The following CYP2R1 variants were observed in gnomAD, a reference collection of about 807,000 sequenced individuals.
CYP2R1 encodes the protein cytochrome P450 family 2 subfamily R member 1, also known as vitamin D 25-hydroxylase.
In CYP2R1, 40 loss-of-function variants were observed where a neutral mutation model predicts 45.7. The observed-to-expected ratio is 0.87, with a 90% CI of 0.68 to 1.14. The LOEUF (loss-of-function observed/expected upper bound fraction) is 1.14, where lower values mean the gene tolerates loss of function less well. Ranked by LOEUF, CYP2R1 falls within the 50% of genes most tolerant of loss-of-function variation. CYP2R1 has a pLI of 0.00. For synonymous variants in CYP2R1, 234 were observed against 219.3 expected, an observed-to-expected ratio of 1.07 and a Z score of -0.59; for missense variants, 605 against 602.6, an observed-to-expected ratio of 1.00 and a Z score of -0.04.
chr11:14,878,204 T>C lies in CYP2R1; in HGVS notation c.1424A>G (p.His475Arg). 1 of 1,613,292 alleles carries C rather than the reference T, an allele frequency of 6.2e-7. No individual in the cohort carries two copies. Among genetic ancestry groups the C allele is most frequent in the South Asian group, 1.1e-5 (1 of 91,048 alleles). The change falls in exon 5 of 5, where the codon CAT (histidine) becomes CGT (arginine). Residue 475 changes from histidine (H) to arginine (R), a missense_variant. Transcript: ENST00000334636. Reference sequence around the variant, plus strand: ...GGGCTTCAGATCTGGAACTAGTTCATGTGGAAAATGCAAATGAAACCTCTG... The same window carrying C: ...GGGCTTCAGATCTGGAACTAGTTCACGTGGAAAATGCAAATGAAACCTCTG... ...LLQRFHLHFP[H>R]ELVPDLKPRL...
rs911449225 is a variant in CYP2R1 at position 14,890,870 on chromosome 11, A to G, written c.225+1111T>C. ...GGCACCTAGACCAATCCTTGTAAAA[A>G]TTGGTTTAAGTAAGGATTTAAGGTC... On this transcript the variant is annotated intron_variant, in intron 1 of 4. Transcript: ENST00000334636. The G allele has an allele frequency of 2.7e-5, 27 of 985,214 alleles. No homozygotes were observed. In the African/African-American group the frequency reaches 4.7e-4, roughly 17 times the overall value. The allele number at this position is 985,214 out of a possible 1,614,324, so 61.0% of individuals were successfully genotyped here.
At chr11:14,885,961 T>C in intron 1 of CYP2R1, 44 bp from the exon 2 acceptor site, 1 of 1,586,444 alleles carries the variant, frequency 6.3e-7, no homozygotes, top group Non-Finnish European at 8.6e-7. Context: ...ACAGCATGTA[T>C]GGAGAAATAT....
chr11:14,891,134 C>G (rs952886562), intron 1 of CYP2R1: 1 of 985,354 alleles, frequency 1.0e-6, no homozygotes, highest in Non-Finnish European at 1.2e-6. Context: ...CTGCCCCCTC[C>G]GGACGTCGGG....
rs368958279 is a variant in CYP2R1, at chr11:14,891,992, C to A, written c.214G>T (p.Val72Leu). 3.1e-6 allele frequency: 5 copies of A among 1,613,296 alleles called. No individual in the cohort carries two copies. Among genetic ancestry groups the A allele is most frequent in the Non-Finnish European group, 3.4e-6 (4 of 1,179,808 alleles). The change falls in exon 1 of 5, where the codon GTG becomes TTG. Residue 72 changes from valine (V) to leucine (L), a missense_variant. Coordinates refer to ENST00000334636, the MANE Select transcript of CYP2R1 (RefSeq NM_024514.5). ...PHVYMRKQSQ[V>L]YGEIFSLDLG... ...CGTCGGGGCTGTACCTCTCCGTACA[C>A]CTGGCTCTGCTTTCTCATGTAGACA...
rs1555011839 is a variant in CYP2R1, at chr11:14,880,599, A to G, written c.537T>C (p.Phe179=). 1.2e-6 allele frequency: 2 copies of G among 1,612,820 alleles called. No individual in the cohort carries two copies. The highest frequency in any genetic ancestry group is 2.7e-5 in the African/African-American group (2 of 74,896). ...IETYKGRPFD[F]KQLITNAVSN... is the part of the protein sequence containing the mutation. ...AAACAGCATTCGTTATTAACTGTTT[A>G]AAGTCAAAAGGTCTACCTTTGTATG... The change falls in exon 3 of 5, where the codon TTT becomes TTC. Residue 179 remains phenylalanine, a synonymous_variant. Transcript: ENST00000334636.
At chr11:14,892,442 A>G (rs1336855041), upstream of CYP2R1, among the ~76,000 whole-genome samples, 3 of 152,198 alleles carry the variant, frequency 2.0e-5, no homozygotes, top group African/African-American at 4.8e-5. Flanking sequence ...GCGCGGCTCT[A>G]GGCGGAGCAA....
In CYP2R1 at chr11:14,880,481, C is replaced by T; in HGVS notation, c.655G>A (p.Glu219Lys). Residue 219 changes from glutamate to lysine, a missense_variant, in exon 3 of 5, where the codon GAA becomes AAA. Glu to Lys is a moderately conservative substitution (Grantham distance 56). Coordinates refer to ENST00000334636, the MANE Select transcript of CYP2R1 (RefSeq NM_024514.5). The stretch of plus-strand genomic sequence containing the variant: ...AAGACTGAGGCACTGGCAGCTAGTT[C>T]CACATTTTCACTAAATAACTCAATC... ...HMIELFSENV[E>K]LAASASVFLY... The T allele has an allele frequency of 1.2e-6, 2 of 1,613,454 alleles. No individual in the cohort carries two copies. The highest frequency in any genetic ancestry group is 2.7e-5 in the African/African-American group (2 of 74,996).
At chr11:14,891,797 G>A (rs371690496) in intron 1 of CYP2R1, 184 bp downstream of exon 1, 1 of 1,411,866 alleles carries the variant, frequency 7.1e-7, no homozygotes, top group East Asian at 2.7e-5. Flanking sequence ...CCCTGCAAGG[G>A]GGCACGGCGT....
intron 1 of CYP2R1, chr11:14,891,600 G>A (rs1848858694): frequency 1.9e-6 from 2 of 1,061,716 alleles, no homozygotes; most frequent in Admixed American, 1.0e-4. Context: ...CCACAGAGCT[G>A]CGAGGCCGAC....
At chr11:14,891,952 TCCC>T (rs1167828076) in intron 1 of CYP2R1, 26 bp downstream of exon 1, 1 of 1,607,730 alleles carries the variant, frequency 6.2e-7, no homozygotes, top group Non-Finnish European at 8.5e-7. Flanking sequence ...CTGGCGGCCC[TCCC>T]TGCCCGGGGC....
chr11:14,885,481 G>T (rs781920052), intron 2 of CYP2R1, among the ~76,000 whole-genome samples: 2 of 152,146 alleles, frequency 1.3e-5, no homozygotes, highest in African/African-American at 2.4e-5. Flanking sequence ...TCAAGTGGAA[G>T]TATGTGTTTA....
intron 1 of CYP2R1, chr11:14,886,234 CTT>C (rs1459580037): frequency 1.1e-5 from 3 of 280,962 alleles, no homozygotes; most frequent in Non-Finnish European, 2.0e-5. Flanking sequence ...GAGCAGAACA[CTT>C]AACCTATCTG....
At chr11:14,890,332 G>C (rs1555016205) in intron 1 of CYP2R1, 1 of 297,516 alleles carries the variant, frequency 3.4e-6, no homozygotes, top group African/African-American at 2.3e-5. Context: ...TGTGTACCAA[G>C]ATACCAAAGA....
rs1443511853 is a variant in CYP2R1 at position 14,877,608 on chromosome 11, C to T, written c.*514G>A. The stretch of plus-strand genomic sequence containing the variant: ...GCACTGGCAGGCTCTACATTAAATA[C>T]ATATTTCTTCTACCATCTCCCACCA... On this transcript the variant is annotated 3_prime_UTR_variant, in exon 5 of 5. Transcript: ENST00000334636. 6.6e-6 allele frequency: 1 copy of T among 152,594 alleles called. No individual in the cohort carries two copies. The highest frequency in any genetic ancestry group is 1.5e-5 in the Non-Finnish European group (1 of 68,390). The allele number at this position is 152,594 out of a possible 1,614,324, so 9.5% of individuals were successfully genotyped here.
At chr11:14,892,279 C>G (rs1293708070), upstream of CYP2R1, 21 of 1,409,360 alleles carry the variant, frequency 1.5e-5, no homozygotes, top group African/African-American at 2.8e-4. Flanking sequence ...GCCATACTCC[C>G]ATTGGCAGGA....
chr11:14,885,441 C>G (rs1349822153), intron 2 of CYP2R1, among the ~76,000 whole-genome samples: 8 of 152,142 alleles, frequency 5.3e-5, no homozygotes, highest in Non-Finnish European at 1.2e-4. Context: ...ACCAAGTACT[C>G]AAGACTAGGT....
Position 14,885,849 on chromosome 11 carries a change from G to A in CYP2R1, c.294C>T (p.Cys98=). Residue 98 remains cysteine, a synonymous_variant, in exon 2 of 5, where the codon TGC becomes TGT. Coordinates refer to ENST00000334636, the MANE Select transcript of CYP2R1 (RefSeq NM_024514.5). ...CAAAAATTTCGCTTTGATGAACAAG[G>A]CATTCCTTTACTACATCATAGCCAT... The part of the protein sequence containing the change: ...VLNGYDVVKE[C]LVHQSEIFAD... 1.2e-6 allele frequency: 2 copies of A among 1,613,428 alleles called. No homozygotes were observed.
Position 14,892,133 on chromosome 11 carries a change from G to T in CYP2R1, c.73C>A (p.Leu25Ile). The T allele has an allele frequency of 1.2e-6, 2 of 1,611,562 alleles. No homozygotes were observed. Among genetic ancestry groups the T allele is most frequent in the South Asian group, 1.1e-5 (1 of 91,026 alleles). The part of the protein sequence containing the change: ...GGALFLLLFA[L>I]GVRQLLKQRR... ...TGCTTCAGCAGCTGGCGGACCCCTA[G>T]CGCGAAGAGCAGCAGGAAGAGCGCG... is the stretch of plus-strand genomic sequence containing the variant. Residue 25 changes from leucine to isoleucine, a missense_variant, in exon 1 of 5, where the codon CTA becomes ATA. Transcript: ENST00000334636.
At chr11:14,884,342 T>C (rs1327757832) in intron 2 of CYP2R1, among the ~76,000 whole-genome samples, 1 of 152,026 alleles carries the variant, frequency 6.6e-6, no homozygotes, top group Non-Finnish European at 1.5e-5. Flanking sequence ...CATGGAATAC[T>C]ATGCAGCCAT....
Sources: gnomAD v4.1 joint callset for allele counts (sites outside exome capture counted in the v4.1 genomes callset) on GRCh38, gnomAD v4.1.1 for gene constraint, MANE v1.5 for transcripts, NCBI Gene and HGNC (gene_info 2026-07-23, HGNC 2026-07-21) for gene names.